IGSF22: variants seen among roughly 807,000 people sequenced by gnomAD.
IGSF22 encodes immunoglobulin superfamily member 22, also known as immunoglobulin superfamily, member 22.
A neutral mutation model predicts 127.0 loss-of-function variants in IGSF22; 119 were observed. That is an observed-to-expected ratio of 0.94 (90% confidence interval 0.81 to 1.09). IGSF22 has a LOEUF of 1.09. IGSF22 is among the 50% of genes least tolerant of loss of function. The pLI is 0.00. For synonymous variants in IGSF22, 568 were observed against 664.7 expected, an observed-to-expected ratio of 0.85 and a Z score of 2.24; for missense variants, 1,518 against 1,716.6, an observed-to-expected ratio of 0.88 and a Z score of 2.04.
intron 22 of IGSF22, chr11:18,704,762 C>G (rs1421034304): frequency 3.9e-6 from 2 of 507,030 alleles, no homozygotes. Context: ...CCTCATAGTC[C>G]TATAAAGAAG....
chr11:18,706,607 C>T, intron 21 of IGSF22: 2 of 383,304 alleles, frequency 5.2e-6, no homozygotes, highest in Non-Finnish European at 9.4e-6. Flanking sequence ...CTAGAGCCCT[C>T]CCCTGTTCTC....
At position 18,714,157 on chromosome 11, in the gene IGSF22, C is replaced by A; in HGVS notation, c.1799-9G>T. On this transcript the variant is annotated splice_polypyrimidine_tract_variant and intron_variant, in intron 13 of 22. Coordinates refer to ENST00000513874, the MANE Select transcript of IGSF22 (RefSeq NM_173588.4). ...GTCGATGGTAGGAGGATCTGTGGGG[C>A]GGGGCGGCAGGGAAGGCTTGAGCAT... 6.2e-7 allele frequency: 1 copy of A among 1,604,198 alleles called. No individual in the cohort carries two copies. The highest frequency in any genetic ancestry group is 8.5e-7 in the Non-Finnish European group (1 of 1,173,676).
chr11:18,712,238 A>G lies in IGSF22; in HGVS notation c.2242T>C (p.Trp748Arg), dbSNP rs1386017024. ...VERRAVGKKSWIKIGEVDGKV... is the reference protein window; with the variant it reads ...VERRAVGKKSRIKIGEVDGKV... ...CCGTCCACCTCGCCTATCTTAATCC[A>G]GGACTTCTTGCCAACTGCCCTCCGT... The change falls in exon 15 of 23, where the codon TGG (tryptophan) becomes CGG (arginine). Residue 748 changes from tryptophan (W) to arginine (R), a missense_variant. Physicochemically the swap from Trp to Arg is moderately radical, Grantham distance 101. This residue lies in a region of IGSF22 where 1,456 missense variants were observed against 1,644.9 expected (regional missense o/e 0.89). Transcript: ENST00000513874. 4 of 1,551,736 alleles carry G rather than the reference A, an allele frequency of 2.6e-6. No homozygotes were observed. The East Asian group carries it at 9.8e-5, about 38-fold the overall frequency.
At chr11:18,706,886 T>G in intron 21 of IGSF22, 28 bp downstream of exon 21, 1 of 1,465,874 alleles carries the variant, frequency 6.8e-7, no homozygotes, top group Non-Finnish European at 9.1e-7. Context: ...CACCCAGACT[T>G]AACCCTAACT....
chr11:18,710,628 C>T (rs770737477), intron 16 of IGSF22, 27 bp downstream of exon 16: 2 of 1,603,946 alleles, frequency 1.2e-6, no homozygotes, highest in South Asian at 2.2e-5. Flanking sequence ...TTTGGTCACT[C>T]CTGGGCCTCT....
At chr11:18,719,960 AC>A (rs1195223915) in intron 6 of IGSF22, 67 bp from the exon 7 acceptor site, 4 of 1,608,826 alleles carry the variant, frequency 2.5e-6, no homozygotes, top group Non-Finnish European at 3.4e-6. Flanking sequence ...ACCCCTCCCT[AC>A]TCCATGGATT....
In IGSF22 at chr11:18,710,790, C is replaced by A. The variant is rs757116443; in HGVS notation, c.2437G>T (p.Val813Leu). ...GTGATGGTCACGGCTTCTTTAGTCA[C>A]ATCAGTCACTTGAGGCTGGGAGGCA... ...GFASQPQVTD[V>L]TKEAVTITWN... The change falls in exon 16 of 23, where the codon GTG (valine) becomes TTG (leucine). Residue 813 changes from valine to leucine, a missense_variant. Physicochemically the swap from Val to Leu is conservative, Grantham distance 32. Coordinates refer to ENST00000513874, the MANE Select transcript of IGSF22 (RefSeq NM_173588.4). 4 of 1,614,062 alleles carry A rather than the reference C, an allele frequency of 2.5e-6. No individual in the cohort carries two copies. Among genetic ancestry groups the A allele is most frequent in the Non-Finnish European group, 2.5e-6 (3 of 1,179,912 alleles).
rs1358653725 is a variant in IGSF22 at position 18,717,964 on chromosome 11, C to T, written c.940G>A (p.Asp314Asn). ...GTGAGCTCTGCACTCATCCGCTTATCGCCCACGGACAGGCTGTAGATGCCA... is the reference window on the plus strand; with the variant it reads ...GTGAGCTCTGCACTCATCCGCTTATTGCCCACGGACAGGCTGTAGATGCCA... Reference protein sequence around the residue: ...DAGIYSLSVGDKRMSAELTVL... With the variant: ...DAGIYSLSVGNKRMSAELTVL... Residue 314 changes from aspartate to asparagine, a missense_variant, in exon 9 of 23, where the codon GAT becomes AAT. By Grantham distance (23) the Asp-to-Asn change is conservative. Coordinates refer to ENST00000513874, the MANE Select transcript of IGSF22 (RefSeq NM_173588.4). 19 of 1,614,218 alleles carry T rather than the reference C, an allele frequency of 1.2e-5. No homozygotes were observed. In the Middle Eastern group the frequency reaches 6.6e-4, roughly 56 times the overall value.
At position 18,705,941 on chromosome 11, in the gene IGSF22, G is replaced by A; in HGVS notation, c.3786C>T (p.Asn1262=). 1.3e-6 allele frequency: 2 copies of A among 1,551,760 alleles called. No homozygotes were observed. The highest frequency in any genetic ancestry group is 1.7e-6 in the Non-Finnish European group (2 of 1,146,990). The change falls in exon 22 of 23, where the codon AAC becomes AAT. Residue 1262 remains asparagine (N), a synonymous_variant. Transcript: ENST00000513874. ...NITANSKFWY[N]STSGVCTLVI... is the part of the protein sequence containing the mutation. ...CGAGGGTGCACACGCCGCTGGTGGA[G>A]TTGTACCAGAACTTGGAGTTGGCCG... is the stretch of plus-strand genomic sequence containing the variant.
chr11:18,718,407 G>A (rs759032538), intron 8 of IGSF22, among the ~76,000 whole-genome samples: 1 of 152,188 alleles, frequency 6.6e-6, no homozygotes, highest in East Asian at 1.9e-4. Flanking sequence ...GGTAGACTGA[G>A]GCATAGAGAG....
Position 18,718,054 on chromosome 11 carries a change from ACTTGC to A in IGSF22, c.845_849del (p.Gly282ValfsTer15). 1 of 1,614,204 alleles carries A rather than the reference ACTTGC, an allele frequency of 6.2e-7. No homozygotes were observed. Among genetic ancestry groups the A allele is most frequent in the Non-Finnish European group, 8.5e-7 (1 of 1,180,028 alleles). ...TTGGTGCCCATCTGCTTCACATCGT[ACTTGC>A]CCAGGGAGTACTGGATCCTCAGTGG... On this transcript the variant is annotated frameshift_variant, in exon 9 of 23. Transcript: ENST00000513874. LOFTEE classifies it high-confidence loss of function.
chr11:18,704,396 T>C lies in IGSF22; in HGVS notation c.*72A>G, dbSNP rs1404970028. On this transcript the variant is annotated 3_prime_UTR_variant, in exon 23 of 23. Coordinates refer to ENST00000513874, the MANE Select transcript of IGSF22 (RefSeq NM_173588.4). Reference sequence around the variant, plus strand: ...AGAGAGCAAACTGGGCTTCCTACACTGGGCCATGCAGAGGACAGGCCAAGA... The same window carrying C: ...AGAGAGCAAACTGGGCTTCCTACACCGGGCCATGCAGAGGACAGGCCAAGA... 1.0e-5 allele frequency: 10 copies of C among 989,898 alleles called. No individual in the cohort carries two copies. In the African/African-American group the frequency reaches 1.5e-4, roughly 14 times the overall value. 61.3% of individuals were successfully genotyped at this position (989,898 alleles called of 1,614,324 possible). A position where few individuals can be genotyped will look rare whatever the true frequency, so the allele number is the denominator to read the frequency against.
At chr11:18,717,609 G>T (rs1215098293) in intron 9 of IGSF22, among the ~76,000 whole-genome samples, 1 of 152,044 alleles carries the variant, frequency 6.6e-6, no homozygotes. Context: ...TATTGCCCAG[G>T]TTGGTCTTGA....
rs369745010 is a variant in IGSF22, at chr11:18,713,973, G to A, written c.1974C>T (p.Arg658=). Residue 658 remains arginine (R), a synonymous_variant, in exon 14 of 23, where the codon CGC becomes CGT. Transcript: ENST00000513874. ...VTEEERVSME[R]GEDQALLTIS... ...TGGTGAGCAGTGCCTGGTCTTCCCC[G>A]CGCTCCATGGACACGCGTTCCTCCT... is the stretch of plus-strand genomic sequence containing the variant. The A allele has an allele frequency of 5.6e-5, 91 of 1,614,258 alleles. No homozygotes were observed. The highest frequency in any genetic ancestry group is 3.3e-4 in the Middle Eastern group (2 of 6,062).
rs754261733 is a variant in IGSF22, at chr11:18,709,540, TG to T, written c.2844del (p.Lys949SerfsTer30). On this transcript the variant is annotated frameshift_variant, in exon 18 of 23. Transcript: ENST00000513874. LOFTEE classifies it high-confidence loss of function. The surrounding 1 kb of genome is among the most constrained non-coding windows in gnomAD (Gnocchi z 4.8). ...CCTGAGATGGGGATCTTTGTGCACT[TG>T]GACCACTCCTTTGTGTCTTCAGCCC... Reference protein sequence around the residue: ...EMRAEDTKEWSKCTKIPISGT... With the variant: ...EMRAEDTKEWXKCTKIPISGT... 6.2e-7 allele frequency: 1 copy of T among 1,614,204 alleles called. No homozygotes were observed. The highest frequency in any genetic ancestry group is 8.5e-7 in the Non-Finnish European group (1 of 1,180,038).
rs117584938 is a variant in IGSF22 at position 18,719,952 on chromosome 11, C to T, written c.519-59G>A. ...CAATGCCTCTCCAACCTTGAGAAAC[C>T]CCTCCCTACTCCATGGATTCTTGGA... On this transcript the variant is annotated intron_variant, in intron 6 of 22. Coordinates refer to ENST00000513874, the MANE Select transcript of IGSF22 (RefSeq NM_173588.4). 5,274 of 1,610,930 alleles carry T rather than the reference C, an allele frequency of 3.3e-3. 231 individuals carry two copies. In the East Asian group the frequency reaches 0.096, roughly 29 times the overall value.
At chr11:18,723,578 A>G (rs568295041) in intron 2 of IGSF22, among the ~76,000 whole-genome samples, 1 of 152,186 alleles carries the variant, frequency 6.6e-6, no homozygotes, top group African/African-American at 2.4e-5. Context: ...CGTGACTAAA[A>G]CACTCTGTTC....
chr11:18,721,317 G>C lies in IGSF22; in HGVS notation c.378+218C>G, dbSNP rs535664990. ...TCTGCCCCTGCTCTGCTCTGCCCCG[G>C]GGGTACTTTGGGTCCTCTGCTCATT... On this transcript the variant is annotated intron_variant, in intron 4 of 22. Transcript: ENST00000513874. Among the ~76,000 whole-genome samples, 4 of 152,348 alleles carry C rather than the reference G, an allele frequency of 2.6e-5. No homozygotes were observed. The East Asian group carries it at 7.7e-4, about 30-fold the overall frequency.
At position 18,721,999 on chromosome 11, in the gene IGSF22, A is replaced by C; in HGVS notation, c.152T>G (p.Phe51Cys). ...RRKSSSIVEF[F>C]SLVTRSSNIP... ...GTTTGAGCTCCGGGTCACTAAGCTGAAGAACTCCACTATGCTCGAGGACTT... is the reference window on the plus strand; with the variant it reads ...GTTTGAGCTCCGGGTCACTAAGCTGCAGAACTCCACTATGCTCGAGGACTT... The change falls in exon 3 of 23, where the codon TTC becomes TGC. Residue 51 changes from phenylalanine to cysteine, a missense_variant. Phe to Cys is a radical substitution (Grantham distance 205, BLOSUM62 -2). Coordinates refer to ENST00000513874, the MANE Select transcript of IGSF22 (RefSeq NM_173588.4). 1.2e-6 allele frequency: 2 copies of C among 1,614,086 alleles called. No homozygotes were observed. Among genetic ancestry groups the C allele is most frequent in the Non-Finnish European group, 1.7e-6 (2 of 1,180,028 alleles).
Sources: gnomAD v4.1 joint callset for allele counts (sites outside exome capture counted in the v4.1 genomes callset) on GRCh38, gnomAD v4.1.1 for gene constraint, gnomAD v4.1.1 regional missense constraint, Gnocchi (gnomAD v3.1) non-coding constraint, MANE v1.5 for transcripts, NCBI Gene and HGNC (gene_info 2026-07-23, HGNC 2026-07-21) for gene names.